NGLY1: variants seen among roughly 807,000 people sequenced by gnomAD.
The protein encoded by NGLY1 is N-glycanase 1.
NGLY1 carries 68 observed loss-of-function variants against 84.6 expected under a neutral mutation model. That is an observed-to-expected ratio of 0.80 (90% CI 0.66 to 0.98). The LOEUF (loss-of-function observed/expected upper bound fraction) is 0.98. NGLY1 is among the 50% of genes least tolerant of loss of function. The pLI is 0.00. For missense variants in NGLY1, 779 were observed against 770.2 expected, an observed-to-expected ratio of 1.01 and a Z score of -0.14; for synonymous variants, 280 against 275.2, an observed-to-expected ratio of 1.02 and a Z score of -0.17.
chr3:25,790,036 A>G (rs2125337627), exon 1 of NGLY1: 1 of 806,112 alleles, frequency 1.2e-6, no homozygotes, highest in East Asian at 2.7e-5. Context: ...GTGCGTGGGA[A>G]AGCGCATGAG....
At chr3:25,722,115 G>A (rs1241442177) in intron 10 of NGLY1, among the ~76,000 whole-genome samples, 2 of 151,862 alleles carry the variant, frequency 1.3e-5, no homozygotes, top group East Asian at 1.9e-4. Context: ...CTACTCGGGA[G>A]GCTGATACAT....
intron 11 of NGLY1, 22 bp from the exon 12 acceptor site, chr3:25,719,657 T>A (rs752950880): frequency 1.3e-6 from 2 of 1,577,188 alleles, no homozygotes; most frequent in South Asian, 1.1e-5. Context: ...AAAAAAAAAA[T>A]TAACATTTTG....
At chr3:25,754,787 G>GTTT (rs1262998597) in intron 3 of NGLY1, 13 of 272,416 alleles carry the variant, frequency 4.8e-5, no homozygotes, top group African/African-American at 2.4e-4. Flanking sequence ...GATGACTCGT[G>GTTT]CTTTTTTTTT....
At chr3:25,732,256 G>T in intron 9 of NGLY1, 63 bp downstream of exon 9, 3 of 1,488,188 alleles carry the variant, frequency 2.0e-6, no homozygotes, top group Non-Finnish European at 2.8e-6. Flanking sequence ...GGATAGTATA[G>T]GAAGAGCATA....
chr3:25,733,934 C>T lies in NGLY1; in HGVS notation c.1198G>A (p.Ala400Thr). 6.2e-7 allele frequency: 1 copy of T among 1,613,830 alleles called. No homozygotes were observed. The highest frequency in any genetic ancestry group is 1.1e-5 in the South Asian group (1 of 91,056). ...RYSCKHEEVI[A>T]RRTKVKEALL... is the part of the protein sequence containing the mutation. ...GCTTCTTTAACCTTAGTTCTTCTGG[C>T]AATCACCTCTTCATGTTTGCAGGAA... Residue 400 changes from alanine to threonine, a missense_variant, in exon 8 of 12, where the codon GCC becomes ACC. Ala to Thr is a moderately conservative substitution (Grantham distance 58, BLOSUM62 0). Transcript: ENST00000280700.
chr3:25,783,249 T>G lies in NGLY1; in HGVS notation c.131+11A>C. 59 of 1,483,402 alleles carry G rather than the reference T, an allele frequency of 4.0e-5. No homozygotes were observed. The highest frequency in any genetic ancestry group is 5.0e-5 in the Non-Finnish European group (54 of 1,069,994). 91.9% of individuals were successfully genotyped at this position (1,483,402 alleles called of 1,614,324 possible). A position where few individuals can be genotyped will look rare whatever the true frequency, so the allele number is the denominator to read the frequency against. On this transcript the variant is annotated intron_variant, in intron 1 of 11. Transcript: ENST00000280700. The surrounding 1 kb of genome is among the most constrained non-coding windows in gnomAD (Gnocchi z 4.5). The stretch of plus-strand genomic sequence containing the variant: ...CCCCGGTACCCGCCGTCCGACCCCG[T>G]TGCCCTGCACCTGAGGATGTTGTCA...
chr3:25,740,961 T>C (rs956257551), intron 4 of NGLY1, among the ~76,000 whole-genome samples: 1 of 151,938 alleles, frequency 6.6e-6, no homozygotes, highest in African/African-American at 2.4e-5. Context: ...ACTTCGTCTC[T>C]ACTAAAAACT....
chr3:25,759,009 G>A (rs1707176277), intron 3 of NGLY1, among the ~76,000 whole-genome samples: 1 of 152,192 alleles, frequency 6.6e-6, no homozygotes, highest in Admixed American at 6.5e-5. Context: ...AAATTTGCGT[G>A]TGATTCCAGT....
In NGLY1 at chr3:25,740,146, GA is replaced by G. The variant is rs768235826; in HGVS notation, c.659-348del. 2.2e-4 allele frequency among the ~76,000 whole-genome samples: 34 copies of G among 152,214 alleles called. No homozygotes were observed. In the East Asian group the frequency reaches 5.0e-3, roughly 22 times the overall value. ...GAGGTAGAAAAATAAATTTGATTTT[GA>G]AAAACATTTAAAAATGGGAAACATT... On this transcript the variant is annotated intron_variant, in intron 4 of 11. Transcript: ENST00000280700.
rs181632171 is a variant in NGLY1 at position 25,782,003 on chromosome 3, C to T, written c.131+1257G>A. On this transcript the variant is annotated intron_variant, in intron 1 of 11. Transcript: ENST00000280700. ...TGTACTGTGAAGAGCTGTAAGGCCT[C>T]AAAGAGTAAAAAAGGTGAGTTGAGA... 1.0e-3 allele frequency among the ~76,000 whole-genome samples: 156 copies of T among 152,116 alleles called. 1 individual carries two copies. Among genetic ancestry groups the T allele is most frequent in the Non-Finnish European group, 5.6e-4 (38 of 68,010 alleles).
chr3:25,732,665 T>A (rs1442354175), intron 8 of NGLY1, among the ~76,000 whole-genome samples, 182 bp from the exon 9 acceptor site: 2 of 152,200 alleles, frequency 1.3e-5, no homozygotes, highest in Admixed American at 6.6e-5. Context: ...TAAATAATTT[T>A]ATAAATTTTA....
chr3:25,768,094 C>G (rs1484466595), intron 2 of NGLY1, among the ~76,000 whole-genome samples: 1 of 109,736 alleles, frequency 9.1e-6, no homozygotes, highest in Non-Finnish European at 1.7e-5. Flanking sequence ...GGCTGGGCGA[C>G]AGAGCAAGAC....
chr3:25,777,117 T>G (rs1708186917), intron 2 of NGLY1, among the ~76,000 whole-genome samples: 1 of 152,108 alleles, frequency 6.6e-6, no homozygotes, highest in African/African-American at 2.4e-5. Context: ...CTTTCCAGGC[T>G]GGGCACGGCG....
chr3:25,764,573 T>G (rs1377594025), intron 2 of NGLY1, among the ~76,000 whole-genome samples: 1 of 152,062 alleles, frequency 6.6e-6, no homozygotes, highest in African/African-American at 2.4e-5. Context: ...CAAAGGACTT[T>G]CAGGAAAAAA....
chr3:25,789,774 C>G, intron 1 of NGLY1: 4 of 1,404,776 alleles, frequency 2.8e-6, no homozygotes, highest in Non-Finnish European at 3.9e-6. Context: ...CAGTAGAATA[C>G]GATGGTGTCC....
chr3:25,743,427 G>A (rs1302678587), intron 4 of NGLY1, among the ~76,000 whole-genome samples: 4 of 152,106 alleles, frequency 2.6e-5, no homozygotes, highest in Non-Finnish European at 4.4e-5. Flanking sequence ...ACCTCAGGAG[G>A]CCTTTGCAGT....
intron 9 of NGLY1, among the ~76,000 whole-genome samples, chr3:25,731,826 C>T (rs994586068): frequency 6.6e-6 from 1 of 152,038 alleles, no homozygotes; most frequent in African/African-American, 2.4e-5. Flanking sequence ...ACAGTACATG[C>T]TATATGATTC....
intron 3 of NGLY1, among the ~76,000 whole-genome samples, chr3:25,760,732 T>A (rs1225963603): frequency 6.6e-6 from 1 of 151,856 alleles, no homozygotes; most frequent in African/African-American, 2.4e-5. Flanking sequence ...TGGTGGCACA[T>A]GCCTGTAATC....
At chr3:25,785,569 C>A (rs1218220834), upstream of NGLY1, among the ~76,000 whole-genome samples, 1 of 149,572 alleles carries the variant, frequency 6.7e-6, no homozygotes, top group Non-Finnish European at 1.5e-5. Flanking sequence ...CATGGTGGCT[C>A]ACGCCTGTAA....
Sources: allele counts gnomAD v4.1 joint callset (sites outside exome capture counted in the v4.1 genomes callset), GRCh38; gene constraint gnomAD v4.1.1; non-coding constraint Gnocchi (gnomAD v3.1); transcripts MANE v1.5; gene names NCBI Gene and HGNC (gene_info 2026-07-23, HGNC 2026-07-21).